The following SLC16A8 variants were observed in gnomAD, a reference collection of about 807,000 sequenced individuals.
The protein encoded by SLC16A8 is solute carrier family 16 member 8, also known as monocarboxylate transporter 3.
SLC16A8 carries 20 observed loss-of-function variants against 22.4 expected under a neutral mutation model. The ratio of observed to expected loss-of-function variants is 0.89; its 90% CI spans 0.63 to 1.30. The LOEUF is 1.30. Ranked by LOEUF, SLC16A8 falls within the 50% of genes most tolerant of loss-of-function variation. The pLI is 0.00. For synonymous variants in SLC16A8, 393 were observed against 358.8 expected (o/e 1.10, Z -1.08); for missense variants, 817 against 740.3 (o/e 1.10, Z -1.20).
At chr22:38,082,594 C>T (rs1237929569) in intron 3 of SLC16A8, 66 bp downstream of exon 3, 1 of 1,359,100 alleles carries the variant, frequency 7.4e-7, no homozygotes, top group Non-Finnish European at 9.9e-7. Flanking sequence ...CTCAGGGGCT[C>T]GGGTGTCTCC....
rs988370309 is a variant in SLC16A8 at position 38,082,037 on chromosome 22, G to A, written c.215-5C>T. ...CGAGGATGCTGGACACGGGGCCTGT[G>A]GGCAGGGCAGGGTCACCACCCGGGT... On this transcript the variant is annotated splice_region_variant and splice_polypyrimidine_tract_variant and intron_variant, in intron 3 of 5. Coordinates refer to ENST00000681075, the MANE Select transcript of SLC16A8 (RefSeq NM_013356.3). The A allele has an allele frequency of 2.5e-6, 4 of 1,574,056 alleles. No homozygotes were observed. The highest frequency in any genetic ancestry group is 1.4e-5 in the African/African-American group (1 of 74,030).
intron 3 of SLC16A8, 23 bp downstream of exon 3, chr22:38,082,637 G>A: frequency 2.6e-6 from 4 of 1,529,262 alleles, no homozygotes; most frequent in Non-Finnish European, 3.5e-6. Context: ...CGGGGAGGCG[G>A]AGGGCCGGGC....
At chr22:38,080,689 G>T (rs1601969345) in intron 5 of SLC16A8, 151 bp downstream of exon 5, 3 of 1,127,868 alleles carry the variant, frequency 2.7e-6, no homozygotes, top group East Asian at 2.9e-5. Context: ...GGTCCGGCTT[G>T]GAGGAGGGAC....
rs1569210200 is a variant in SLC16A8, at chr22:38,081,978, G to T, written c.269C>A (p.Ala90Glu). ...TRFGCRPVML[A>E]GGLLASAGMI... ...GCCCGCGGAAGCCAGCAGCCCACCCGCCAGCATCACCGGGCGACAGCCAAA... is the reference window on the plus strand; with the variant it reads ...GCCCGCGGAAGCCAGCAGCCCACCCTCCAGCATCACCGGGCGACAGCCAAA... Residue 90 changes from alanine to glutamate, a missense_variant, in exon 4 of 6, where the codon GCG (alanine) becomes GAG (glutamate). Transcript: ENST00000681075. The T allele has an allele frequency of 6.4e-7, 1 of 1,569,090 alleles. No individual in the cohort carries two copies.
chr22:38,082,175 A>T (rs1238569666), intron 3 of SLC16A8, 143 bp from the exon 4 acceptor site: 1 of 1,042,762 alleles, frequency 9.6e-7, no homozygotes, highest in Admixed American at 2.9e-5. Flanking sequence ...GGCCAAAGAG[A>T]CAGCATCCTG....
Position 38,081,239 on chromosome 22 carries a change from GCC to G in SLC16A8, c.797_798del (p.Gly266AlafsTer144). On this transcript the variant is annotated frameshift_variant, in exon 5 of 6. Coordinates refer to ENST00000681075, the MANE Select transcript of SLC16A8 (RefSeq NM_013356.3). LOFTEE classifies it high-confidence loss of function. Reference protein sequence around the residue: ...YAVTKFLMALGLFVPAILLVN... With the variant: ...YAVTKFLMALXLFVPAILLVN... ...ACCAGCAGGATGGCGGGGACGAAGA[GCC>G]CGAGCGCCATCAGGAACTTGGTGAC... 1 of 1,583,042 alleles carries G rather than the reference GCC, an allele frequency of 6.3e-7. No individual in the cohort carries two copies. Among genetic ancestry groups the G allele is most frequent in the Non-Finnish European group, 8.6e-7 (1 of 1,165,316 alleles).
In SLC16A8 at chr22:38,081,228, G is replaced by T; in HGVS notation, c.810C>A (p.Pro270=). 6.3e-7 allele frequency: 1 copy of T among 1,579,532 alleles called. No homozygotes were observed. Residue 270 remains proline (P), a synonymous_variant, in exon 5 of 6, where the codon CCC becomes CCA. Coordinates refer to ENST00000681075, the MANE Select transcript of SLC16A8 (RefSeq NM_013356.3). ...KFLMALGLFV[P]AILLVNYAKD... ...TGGCGTAGTTCACCAGCAGGATGGCGGGGACGAAGAGCCCGAGCGCCATCA... is the reference window on the plus strand; with the variant it reads ...TGGCGTAGTTCACCAGCAGGATGGCTGGGACGAAGAGCCCGAGCGCCATCA...
Position 38,081,152 on chromosome 22 carries a change from C to T in SLC16A8, c.886G>A (p.Gly296Ser), listed in dbSNP as rs1288357425. The change falls in exon 5 of 6, where the codon GGC (glycine) becomes AGC (serine). Residue 296 changes from glycine (G) to serine (S), a missense_variant. Transcript: ENST00000681075. ...TDAAFLLSIVGFVDIVARPAC... is the reference protein window; with the variant it reads ...TDAAFLLSIVSFVDIVARPAC... ...GGGCGCGCCACGATGTCCACGAAGC[C>T]CACGATGGACAGCAGGAAGGCGGCG... is the stretch of plus-strand genomic sequence containing the variant. The T allele has an allele frequency of 5.2e-6, 8 of 1,549,566 alleles. No individual in the cohort carries two copies. The highest frequency in any genetic ancestry group is 7.0e-6 in the Non-Finnish European group (8 of 1,146,592).
Position 38,078,159 on chromosome 22 carries a change from A to T in SLC16A8, c.*229T>A. 1 of 520,744 alleles carries T rather than the reference A, an allele frequency of 1.9e-6. No homozygotes were observed. The highest frequency in any genetic ancestry group is 5.1e-4 in the Middle Eastern group (1 of 1,954). 32.3% of individuals were successfully genotyped at this position (520,744 alleles called of 1,614,324 possible). On this transcript the variant is annotated 3_prime_UTR_variant, in exon 6 of 6. Coordinates refer to ENST00000681075, the MANE Select transcript of SLC16A8 (RefSeq NM_013356.3). ...TTCTGTCGTTCAGCTGAGCTTTATC[A>T]CCAGTTTCCTGTTGCTCCATAGCAG... is the stretch of plus-strand genomic sequence containing the variant.
Position 38,081,976 on chromosome 22 carries a change from C to T in SLC16A8, c.271G>A (p.Gly91Ser), listed in dbSNP as rs1188670073. The T allele has an allele frequency of 6.4e-7, 1 of 1,568,342 alleles. No homozygotes were observed. The highest frequency in any genetic ancestry group is 1.9e-5 in the Admixed American group (1 of 53,304). The stretch of plus-strand genomic sequence containing the variant: ...ATGCCCGCGGAAGCCAGCAGCCCAC[C>T]CGCCAGCATCACCGGGCGACAGCCA... ...RFGCRPVMLA[G>S]GLLASAGMIL... Residue 91 changes from glycine (G) to serine (S), a missense_variant, in exon 4 of 6, where the codon GGT becomes AGT. By Grantham distance (56) the Gly-to-Ser change is moderately conservative. Coordinates refer to ENST00000681075, the MANE Select transcript of SLC16A8 (RefSeq NM_013356.3).
Position 38,081,343 on chromosome 22 carries a change from G to A in SLC16A8, c.695C>T (p.Ala232Val). 6.8e-7 allele frequency: 1 copy of A among 1,463,448 alleles called. No individual in the cohort carries two copies. Among genetic ancestry groups the A allele is most frequent in the East Asian group, 2.8e-5 (1 of 35,726 alleles). 90.7% of individuals were successfully genotyped at this position (1,463,448 alleles called of 1,614,324 possible). ...ADGAGLQLRE[A>V]SPRVRPRRRL... is the part of the protein sequence containing the mutation. ...CCGGCGGGGCCGGACCCTGGGGGAT[G>A]CCTCGCGCAGCTGCAGCCCCGCACC... Residue 232 changes from alanine to valine, a missense_variant, in exon 5 of 6, where the codon GCA becomes GTA. By Grantham distance (64) the Ala-to-Val change is moderately conservative. Transcript: ENST00000681075.
rs920415661 is a variant in SLC16A8 at position 38,078,300 on chromosome 22, C to T, written c.*88G>A. 7.3e-6 allele frequency: 10 copies of T among 1,360,788 alleles called. No homozygotes were observed. In the African/African-American group the frequency reaches 1.0e-4, roughly 14 times the overall value. The allele number at this position is 1,360,788 out of a possible 1,614,324, so 84.3% of individuals were successfully genotyped here. On this transcript the variant is annotated 3_prime_UTR_variant, in exon 6 of 6. Transcript: ENST00000681075. ...GACGTGGACCCCGGGAGTGACCACC[C>T]CAGACCAGCCTCCCAGCGTACCAGG...
chr22:38,080,817 CCCCCTCTTCCTTCGGGGCGCACCGGCA>C lies in SLC16A8; in HGVS notation c.1194_1198+22del. 6.8e-7 allele frequency: 1 copy of C among 1,468,448 alleles called. No individual in the cohort carries two copies. The highest frequency in any genetic ancestry group is 1.4e-5 in the South Asian group (1 of 72,464). The allele number at this position is 1,468,448 out of a possible 1,614,324, so 91.0% of individuals were successfully genotyped here. A position where few individuals can be genotyped will look rare whatever the true frequency, so the allele number is the denominator to read the frequency against. On this transcript the variant is annotated splice_donor_variant and splice_donor_5th_base_variant and coding_sequence_variant and intron_variant, in exon 5 of 6. Transcript: ENST00000681075. LOFTEE classifies it high-confidence loss of function. ...GGTCTAAGGGGCACTAGGCTCGCCA[CCCCCTCTTCCTTCGGGGCGCACCGGCA>C]GAGGGCGGTCCGATGAGCACAGCCG...
chr22:38,081,072 C>G lies in SLC16A8; in HGVS notation c.966G>C (p.Leu322=). ...LARLRPHVPY[L]FSLALLANGL... ...CATTGGCCAGCAGGGCCAGGCTGAACAGATACGGGACGTGCGGCCGCAGAC... is the reference window on the plus strand; with the variant it reads ...CATTGGCCAGCAGGGCCAGGCTGAAGAGATACGGGACGTGCGGCCGCAGAC... Residue 322 remains leucine (L), a synonymous_variant, in exon 5 of 6, where the codon CTG becomes CTC. Transcript: ENST00000681075. 6.3e-7 allele frequency: 1 copy of G among 1,578,578 alleles called. No homozygotes were observed. The highest frequency in any genetic ancestry group is 8.6e-7 in the Non-Finnish European group (1 of 1,167,144).
chr22:38,078,337 A>T lies in SLC16A8; in HGVS notation c.*51T>A, dbSNP rs752257495. ...CCCAGCGTACCAGGCTCTCTGAGAC[A>T]AGAAGCTGTGTTCCCAAGTCACTGG... On this transcript the variant is annotated 3_prime_UTR_variant, in exon 6 of 6. Transcript: ENST00000681075. 2.0e-6 allele frequency: 3 copies of T among 1,524,798 alleles called. No individual in the cohort carries two copies. The East Asian group carries it at 6.8e-5, about 35-fold the overall frequency. 94.5% of individuals were successfully genotyped at this position (1,524,798 alleles called of 1,614,324 possible). A position where few individuals can be genotyped will look rare whatever the true frequency, so the allele number is the denominator to read the frequency against.
Position 38,081,686 on chromosome 22 carries a change from G to A in SLC16A8, c.359-7C>T. On this transcript the variant is annotated splice_region_variant and splice_polypyrimidine_tract_variant and intron_variant, in intron 4 of 5. Coordinates refer to ENST00000681075, the MANE Select transcript of SLC16A8 (RefSeq NM_013356.3). ...TTGAGGGCCAGGCCCAGGCCTGCGG[G>A]CGAGGCGGTGCTGTGCCGGGGTCCC... 6.7e-7 allele frequency: 1 copy of A among 1,501,578 alleles called. No homozygotes were observed. Among genetic ancestry groups the A allele is most frequent in the Non-Finnish European group, 8.8e-7 (1 of 1,130,714 alleles). The allele number at this position is 1,501,578 out of a possible 1,614,324, so 93.0% of individuals were successfully genotyped here. A position where few individuals can be genotyped will look rare whatever the true frequency, so the allele number is the denominator to read the frequency against.
rs148254406 is a variant in SLC16A8, at chr22:38,081,582, G to C, written c.456C>G (p.Gly152=). The part of the protein sequence containing the change: ...RPLANGLAAA[G]SPVFLSALSP... ...ACAGCGCGGACAGGAACACGGGGCTGCCCGCCGCCGCCAGCCCGTTGGCCA... is the reference window on the plus strand; with the variant it reads ...ACAGCGCGGACAGGAACACGGGGCTCCCCGCCGCCGCCAGCCCGTTGGCCA... Residue 152 remains glycine, a synonymous_variant, in exon 5 of 6, where the codon GGC becomes GGG. Coordinates refer to ENST00000681075, the MANE Select transcript of SLC16A8 (RefSeq NM_013356.3). The C allele has an allele frequency of 5.9e-6, 9 of 1,512,844 alleles. No individual in the cohort carries two copies. The highest frequency in any genetic ancestry group is 7.9e-6 in the Non-Finnish European group (9 of 1,138,402). 93.7% of individuals were successfully genotyped at this position (1,512,844 alleles called of 1,614,324 possible). A position where few individuals can be genotyped will look rare whatever the true frequency, so the allele number is the denominator to read the frequency against.
At chr22:38,082,119 A>C in intron 3 of SLC16A8, 87 bp from the exon 4 acceptor site, 2 of 1,407,116 alleles carry the variant, frequency 1.4e-6, no homozygotes. Flanking sequence ...AGGGACACAG[A>C]GAGGAGGGCA....
At position 38,081,414 on chromosome 22, in the gene SLC16A8, G is replaced by A; in HGVS notation, c.624C>T (p.Ser208=). ...GAGCGTCCCCGGCGCGGTCGCCGGC[G>A]CTGTCCCTGCGCGGTCGCGGGCCCG... ...PGPGPRPRRD[S]AGDRAGDAPG... is the part of the protein sequence containing the mutation. The change falls in exon 5 of 6, where the codon AGC becomes AGT. Residue 208 remains serine (S), a synonymous_variant. Transcript: ENST00000681075. 1 of 1,341,298 alleles carries A rather than the reference G, an allele frequency of 7.5e-7. No homozygotes were observed. The highest frequency in any genetic ancestry group is 9.5e-7 in the Non-Finnish European group (1 of 1,052,448). The allele number at this position is 1,341,298 out of a possible 1,614,324, so 83.1% of individuals were successfully genotyped here. A position where few individuals can be genotyped will look rare whatever the true frequency, so the allele number is the denominator to read the frequency against.
Sources: allele counts gnomAD v4.1 joint callset, GRCh38; gene constraint gnomAD v4.1.1; transcripts MANE v1.5; gene names NCBI Gene and HGNC (gene_info 2026-07-23, HGNC 2026-07-21).